The following PSME3IP1 variants were observed in gnomAD, a reference collection of about 807,000 sequenced individuals.
PSME3IP1 encodes the protein PSME3-interacting protein.
PSME3IP1 carries 13 observed loss-of-function variants against 34.1 expected under a neutral mutation model. That is an observed-to-expected ratio of 0.38 (90% CI 0.25 to 0.61). The LOEUF (loss-of-function observed/expected upper bound fraction) is 0.61, where lower values mean the gene tolerates loss of function less well. PSME3IP1 is among the 20% of genes least tolerant of loss of function. The probability of loss-of-function intolerance (pLI) is 0.60; values close to 1 mark genes in which losing one functional copy is unlikely to be tolerated. For synonymous variants in PSME3IP1, 93 were observed against 114.3 expected (o/e 0.81, Z 1.19); for missense variants, 237 against 301.4 (o/e 0.79, Z 1.58).
intron 6 of PSME3IP1, among the ~76,000 whole-genome samples, chr16:57,157,936 C>T (rs1404733900): frequency 6.6e-6 from 1 of 152,162 alleles, no homozygotes; most frequent in Admixed American, 6.5e-5. Context: ...GCTAAGAAGG[C>T]TGTAGAAGAT....
intron 4 of PSME3IP1, among the ~76,000 whole-genome samples, chr16:57,170,477 G>A (rs1302791172): frequency 6.6e-6 from 1 of 152,212 alleles, no homozygotes; most frequent in East Asian, 1.9e-4. Context: ...CATCTTAGAC[G>A]TGAAGCCTGT....
intron 1 of PSME3IP1, among the ~76,000 whole-genome samples, chr16:57,182,800 C>G (rs111353193): frequency 6.6e-6 from 1 of 151,990 alleles, no homozygotes; most frequent in Admixed American, 6.6e-5. Context: ...ATCCCAGCTA[C>G]TCGGGAGGCT....
At chr16:57,181,804 G>A (rs1358911577) in intron 1 of PSME3IP1, 2 of 152,182 alleles carry the variant, frequency 1.3e-5, no homozygotes, top group African/African-American at 4.8e-5. Flanking sequence ...TATTACAAAG[G>A]ATACAGATGA....
intron 1 of PSME3IP1, among the ~76,000 whole-genome samples, chr16:57,177,731 G>C (rs2073324320): frequency 6.6e-6 from 1 of 152,224 alleles, no homozygotes; most frequent in Middle Eastern, 3.4e-3. Flanking sequence ...CTTAATTCAG[G>C]CTGGGCATGG....
chr16:57,164,143 CTATT>C, intron 5 of PSME3IP1, 78 bp from the exon 6 acceptor site: 6 of 1,252,694 alleles, frequency 4.8e-6, no homozygotes, highest in Non-Finnish European at 5.9e-6. Context: ...GCTCCAATAA[CTATT>C]TATATGGGTC....
In PSME3IP1 at chr16:57,154,060, G is replaced by T; in HGVS notation, c.*230C>A. 4.1e-6 allele frequency: 2 copies of T among 491,336 alleles called. No individual in the cohort carries two copies. Among genetic ancestry groups the T allele is most frequent in the Non-Finnish European group, 7.3e-6 (2 of 275,636 alleles). The allele number at this position is 491,336 out of a possible 1,614,324, so 30.4% of individuals were successfully genotyped here. ...CCTCCTCCCAATATCAGTGAGGAAA[G>T]TGGCAGCGGGACAGGTTTGGTCATC... On this transcript the variant is annotated 3_prime_UTR_variant, in exon 7 of 7. Transcript: ENST00000309137. This position sits in a 1 kb window ranked among gnomAD's most constrained non-coding sequence, Gnocchi z 4.0.
intron 1 of PSME3IP1, chr16:57,181,631 A>C (rs1374751626): frequency 6.6e-6 from 1 of 152,194 alleles, no homozygotes; most frequent in Non-Finnish European, 1.5e-5. Flanking sequence ...GATACCAACC[A>C]CAAGAATCAG....
Position 57,171,073 on chromosome 16 carries a change from C to CAA in PSME3IP1, c.348+1176_348+1177dup, listed in dbSNP as rs142907841. On this transcript the variant is annotated intron_variant, in intron 4 of 6. Coordinates refer to ENST00000309137, the MANE Select transcript of PSME3IP1 (RefSeq NM_024946.4). Reference sequence around the variant, plus strand: ...GGGCAACAAGAGAGAAACTCCATCTCAAAAAAAAAAATTGATATTACCGAC... The same window carrying CAA: ...GGGCAACAAGAGAGAAACTCCATCTCAAAAAAAAAAAAATTGATATTACCGAC... 1.3e-4 allele frequency among the ~76,000 whole-genome samples: 19 copies of CAA among 148,090 alleles called. No individual in the cohort carries two copies. The South Asian group carries it at 3.0e-3, about 23-fold the overall frequency.
chr16:57,170,729 A>G (rs2072470165), intron 4 of PSME3IP1, among the ~76,000 whole-genome samples: 1 of 152,250 alleles, frequency 6.6e-6, no homozygotes. Context: ...TAAACAAACC[A>G]GTAGGCAAAT....
At chr16:57,166,864 T>A (rs1223436528) in intron 5 of PSME3IP1, among the ~76,000 whole-genome samples, 1 of 152,194 alleles carries the variant, frequency 6.6e-6, no homozygotes, top group East Asian at 1.9e-4. Context: ...GTGTGGCAGA[T>A]CCCCACTGAA....
At chr16:57,179,787 A>G (rs1379358834) in intron 1 of PSME3IP1, among the ~76,000 whole-genome samples, 1 of 152,240 alleles carries the variant, frequency 6.6e-6, no homozygotes, top group Non-Finnish European at 1.5e-5. Context: ...AGGTCAATCC[A>G]TTTCCTTTTG....
At chr16:57,163,228 C>T (rs1322832254) in intron 6 of PSME3IP1, among the ~76,000 whole-genome samples, 4 of 151,894 alleles carry the variant, frequency 2.6e-5, no homozygotes, top group African/African-American at 4.8e-5. Context: ...GGAAGAGATA[C>T]GGGTAAAAGG....
chr16:57,180,827 G>C (rs2073634028), intron 1 of PSME3IP1, among the ~76,000 whole-genome samples: 1 of 152,044 alleles, frequency 6.6e-6, no homozygotes, highest in African/African-American at 2.4e-5. Flanking sequence ...GGCCAAGCTG[G>C]GAGCATCACT....
rs756393274 is a variant in PSME3IP1 at position 57,164,051 on chromosome 16, T to A, written c.497A>T (p.Asn166Ile). The A allele has an allele frequency of 6.2e-7, 1 of 1,614,188 alleles. No homozygotes were observed. Among genetic ancestry groups the A allele is most frequent in the South Asian group, 1.1e-5 (1 of 91,084 alleles). The change falls in exon 6 of 7, where the codon AAC becomes ATC. Residue 166 changes from asparagine (N) to isoleucine (I), a missense_variant. Physicochemically the swap from Asn to Ile is moderately radical, Grantham distance 149 (BLOSUM62 -3). Coordinates refer to ENST00000309137, the MANE Select transcript of PSME3IP1 (RefSeq NM_024946.4). ...GTCCGGTTTCAGTCTTTTCACACTG[T>A]TGCCACTCTCTGAGCTGTAACAAAA... The part of the protein sequence containing the change: ...AVKHKSSESG[N>I]SVKRLKPDPE...
At chr16:57,172,408 C>A in intron 3 of PSME3IP1, 36 bp from the exon 4 acceptor site, 1 of 1,592,036 alleles carries the variant, frequency 6.3e-7, no homozygotes, top group South Asian at 1.1e-5. Flanking sequence ...ACTTAGCAGG[C>A]TAAAGGGAAA....
intron 1 of PSME3IP1, among the ~76,000 whole-genome samples, chr16:57,175,875 AAAAC>A (rs1389380252): frequency 2.0e-5 from 3 of 152,256 alleles, no homozygotes; most frequent in Admixed American, 2.0e-4. Flanking sequence ...GGAAGCTGAA[AAAAC>A]AAACCCAAAC....
chr16:57,165,660 T>A (rs1423622624), intron 5 of PSME3IP1, among the ~76,000 whole-genome samples: 1 of 152,170 alleles, frequency 6.6e-6, no homozygotes, highest in Non-Finnish European at 1.5e-5. Context: ...GGCCTGCGAA[T>A]ATAAATTATT....
Position 57,153,150 on chromosome 16 carries a change from A to G in PSME3IP1, c.*1140T>C, listed in dbSNP as rs2070126264. On this transcript the variant is annotated 3_prime_UTR_variant, in exon 7 of 7. Transcript: ENST00000309137. ...TCTCTGTCCTCGAGGCCTCCACACC[A>G]TCTCCCTCTCCCTCCTCCAGAATCC... 1 of 152,442 alleles carries G rather than the reference A, an allele frequency of 6.6e-6. No homozygotes were observed. The highest frequency in any genetic ancestry group is 1.5e-5 in the Non-Finnish European group (1 of 68,050). The allele number at this position is 152,442 out of a possible 1,614,324, so 9.4% of individuals were successfully genotyped here. A position where few individuals can be genotyped will look rare whatever the true frequency, so the allele number is the denominator to read the frequency against.
chr16:57,184,243 TAA>T lies in PSME3IP1; in HGVS notation c.-16+1576_-16+1577del, dbSNP rs34543179. Among the ~76,000 whole-genome samples, 113 of 141,592 alleles carry T rather than the reference TAA, an allele frequency of 8.0e-4. 1 individual carries two copies. The East Asian group carries it at 0.018, about 23-fold the overall frequency. 92.9% of individuals were successfully genotyped at this position (141,592 alleles called of 152,430 possible). On this transcript the variant is annotated intron_variant, in intron 1 of 6. Coordinates refer to ENST00000309137, the MANE Select transcript of PSME3IP1 (RefSeq NM_024946.4). Reference sequence around the variant, plus strand: ...GAGTGAAAAGGTTTAGTTAAATCGATAAAAAAAAAAAGAGAAACAATGGGAAG... The same window carrying T: ...GAGTGAAAAGGTTTAGTTAAATCGATAAAAAAAAAGAGAAACAATGGGAAG...
Sources: allele counts gnomAD v4.1 joint callset (sites outside exome capture counted in the v4.1 genomes callset), GRCh38; gene constraint gnomAD v4.1.1; non-coding constraint Gnocchi (gnomAD v3.1); transcripts MANE v1.5; gene names NCBI Gene and HGNC (gene_info 2026-07-23, HGNC 2026-07-21).